NFKB2: variants seen among roughly 807,000 people sequenced by gnomAD.
NFKB2 encodes nuclear factor NF-kappa-B p100 subunit.
A neutral mutation model predicts 109.3 loss-of-function variants in NFKB2; 21 were observed. The observed-to-expected ratio is 0.19, with a 90% confidence interval of 0.14 to 0.28. NFKB2 has a LOEUF of 0.28. Ranked by LOEUF, NFKB2 falls within the 10% of genes least tolerant of loss-of-function variation. The pLI is 1.00. For missense variants in NFKB2, 806 were observed against 1,185.3 expected (o/e 0.68, Z 4.70); for synonymous variants, 478 against 489.9 (o/e 0.98, Z 0.32).
At position 102,396,839 on chromosome 10, in the gene NFKB2, GC is replaced by G. The variant is rs754824804; in HGVS notation, c.243+17del. On this transcript the variant is annotated intron_variant, in intron 5 of 22. Coordinates refer to ENST00000661543, the MANE Select transcript of NFKB2 (RefSeq NM_001322934.2). The surrounding 1 kb of genome is among the most constrained non-coding windows in gnomAD (Gnocchi z 5.9). ...CACTGTCAAGGTGAGCCAGGATGGT[GC>G]TGGAGGGTGGGCTAAGTGGACAGCA... is the stretch of plus-strand genomic sequence containing the variant. The G allele has an allele frequency of 6.2e-7, 1 of 1,606,706 alleles. No homozygotes were observed. Among genetic ancestry groups the G allele is most frequent in the South Asian group, 1.1e-5 (1 of 90,972 alleles).
chr10:102,397,438 G>T lies in NFKB2; in HGVS notation c.502+30G>T, dbSNP rs1334867888. 9 of 1,586,144 alleles carry T rather than the reference G, an allele frequency of 5.7e-6. No homozygotes were observed. The highest frequency in any genetic ancestry group is 1.1e-5 in the South Asian group (1 of 87,438). On this transcript the variant is annotated intron_variant, in intron 7 of 22. Transcript: ENST00000661543. This position sits in a 1 kb window ranked among gnomAD's most constrained non-coding sequence, Gnocchi z 4.7. ...GGGTGCAGGGGGTGGGTCGGGTATG[G>T]GTGCAGGGGGTGGGTGGGTCATGGG...
chr10:102,398,685 C>T lies in NFKB2; in HGVS notation c.992-54C>T. ...GCCCTGAGGGCTCTTCTGGGAAGGGCCCCTGAGGCATGACACAATAACTGG... is the reference window on the plus strand; with the variant it reads ...GCCCTGAGGGCTCTTCTGGGAAGGGTCCCTGAGGCATGACACAATAACTGG... On this transcript the variant is annotated intron_variant, in intron 11 of 22. Coordinates refer to ENST00000661543, the MANE Select transcript of NFKB2 (RefSeq NM_001322934.2). The surrounding 1 kb of genome is among the most constrained non-coding windows in gnomAD (Gnocchi z 6.6). The T allele has an allele frequency of 6.2e-7, 1 of 1,611,864 alleles. No homozygotes were observed. The highest frequency in any genetic ancestry group is 8.5e-7 in the Non-Finnish European group (1 of 1,179,958).
At position 102,396,894 on chromosome 10, in the gene NFKB2, C is replaced by T; in HGVS notation, c.244-10C>T. 6.2e-7 allele frequency: 1 copy of T among 1,600,280 alleles called. No individual in the cohort carries two copies. The highest frequency in any genetic ancestry group is 8.6e-7 in the Non-Finnish European group (1 of 1,168,344). ...CCAAGGCCCTGACTGACAGTCCCTG[C>T]CTCTCCTAGATCTGTAACTACGAGG... On this transcript the variant is annotated splice_polypyrimidine_tract_variant and intron_variant, in intron 5 of 22. Transcript: ENST00000661543. This position sits in a 1 kb window ranked among gnomAD's most constrained non-coding sequence, Gnocchi z 5.9.
At chr10:102,402,003 A>C (rs1212015404) in intron 21 of NFKB2, 45 bp from the exon 22 acceptor site, 1 of 1,576,564 alleles carries the variant, frequency 6.3e-7, no homozygotes, top group East Asian at 2.3e-5. Flanking sequence ...GCTCCCGAGC[A>C]CATGCCCTAA....
At chr10:102,402,017 T>A (rs1238623596) in intron 21 of NFKB2, 31 bp from the exon 22 acceptor site, 3 of 1,573,104 alleles carry the variant, frequency 1.9e-6, no homozygotes, top group Non-Finnish European at 2.6e-6. Context: ...GCCCTAACCA[T>A]GACTCAGACC....
rs1054477852 is a variant in NFKB2, at chr10:102,401,142, C to A, written c.2072-38C>A. 6.3e-7 allele frequency: 1 copy of A among 1,599,790 alleles called. No homozygotes were observed. The highest frequency in any genetic ancestry group is 8.5e-7 in the Non-Finnish European group (1 of 1,170,278). ...CGACTTTGCAGTCCTTAATGTAGGC[C>A]CCCACCATACCGCCCCATGACGGCC... On this transcript the variant is annotated intron_variant, in intron 18 of 22. Coordinates refer to ENST00000661543, the MANE Select transcript of NFKB2 (RefSeq NM_001322934.2). The surrounding 1 kb of genome is among the most constrained non-coding windows in gnomAD (Gnocchi z 4.2).
rs1383478659 is a variant in NFKB2, at chr10:102,395,873, T to A, written c.-72-15T>A. Reference sequence around the variant, plus strand: ...GATCTGACCCCCTCCCCCACGCCACTCCTCCCAACTTTAGGCGGGCGTCTA... The same window carrying A: ...GATCTGACCCCCTCCCCCACGCCACACCTCCCAACTTTAGGCGGGCGTCTA... On this transcript the variant is annotated splice_polypyrimidine_tract_variant and intron_variant, in intron 1 of 22. Coordinates refer to ENST00000661543, the MANE Select transcript of NFKB2 (RefSeq NM_001322934.2). The A allele has an allele frequency of 5.4e-6, 3 of 554,974 alleles. No homozygotes were observed. Among genetic ancestry groups the A allele is most frequent in the Non-Finnish European group, 7.2e-6 (3 of 417,306 alleles). The allele number at this position is 554,974 out of a possible 1,614,324, so 34.4% of individuals were successfully genotyped here. A position where few individuals can be genotyped will look rare whatever the true frequency, so the allele number is the denominator to read the frequency against.
At position 102,397,828 on chromosome 10, in the gene NFKB2, T is replaced by C. The variant is rs2061144179; in HGVS notation, c.661+143T>C. On this transcript the variant is annotated intron_variant, in intron 8 of 22. Transcript: ENST00000661543. This position sits in a 1 kb window ranked among gnomAD's most constrained non-coding sequence, Gnocchi z 4.7. ...GCTGAGTGATCCTGAGCAAGTCATT[T>C]CCCCCCCGAAGCTTCTGTCTTTAGT... 4 of 1,277,096 alleles carry C rather than the reference T, an allele frequency of 3.1e-6. No individual in the cohort carries two copies. The highest frequency in any genetic ancestry group is 1.5e-5 in the African/African-American group (1 of 67,028). The allele number at this position is 1,277,096 out of a possible 1,614,324, so 79.1% of individuals were successfully genotyped here.
In NFKB2 at chr10:102,397,155, T is replaced by C. The variant is rs149680703; in HGVS notation, c.395+100T>C. ...CTTAGCATCTGACCAAGGGGAAAGA[T>C]GTAGGTTGGCCCCAAACCCAAGGGC... On this transcript the variant is annotated intron_variant, in intron 6 of 22. Transcript: ENST00000661543. This position sits in a 1 kb window ranked among gnomAD's most constrained non-coding sequence, Gnocchi z 4.7. 1,051 of 1,559,172 alleles carry C rather than the reference T, an allele frequency of 6.7e-4. 2 individuals carry two copies. Among genetic ancestry groups the C allele is most frequent in the South Asian group, 2.2e-3 (189 of 84,696 alleles).
chr10:102,397,516 C>T lies in NFKB2; in HGVS notation c.503-11C>T. 1 of 1,612,010 alleles carries T rather than the reference C, an allele frequency of 6.2e-7. No individual in the cohort carries two copies. The highest frequency in any genetic ancestry group is 8.5e-7 in the Non-Finnish European group (1 of 1,178,714). On this transcript the variant is annotated splice_polypyrimidine_tract_variant and intron_variant, in intron 7 of 22. Transcript: ENST00000661543. The surrounding 1 kb of genome is among the most constrained non-coding windows in gnomAD (Gnocchi z 4.7). ...AGAAGCCCAGGGGTCACACATGTAC[C>T]TACTGCCCAGAGGCCGAGCAGCGGG...
Position 102,396,087 on chromosome 10 carries a change from C to G in NFKB2, c.21+107C>G. The G allele has an allele frequency of 6.6e-7, 1 of 1,513,626 alleles. No homozygotes were observed. Among genetic ancestry groups the G allele is most frequent in the Non-Finnish European group, 9.1e-7 (1 of 1,095,374 alleles). 93.8% of individuals were successfully genotyped at this position (1,513,626 alleles called of 1,614,324 possible). On this transcript the variant is annotated intron_variant, in intron 2 of 22. Transcript: ENST00000661543. This position sits in a 1 kb window ranked among gnomAD's most constrained non-coding sequence, Gnocchi z 5.9. ...TTACACCTGTATGCTCGCAGATGCT[C>G]TCAGCCTGCCAGTCTGTCCATCTGT...
At position 102,397,767 on chromosome 10, in the gene NFKB2, G is replaced by T. The variant is rs2061143198; in HGVS notation, c.661+82G>T. ...TGACCTCAAGCTGTGCAGTCAAACA[G>T]ACCCAGGTTTCAGAACCTGGCCCTG... On this transcript the variant is annotated intron_variant, in intron 8 of 22. Transcript: ENST00000661543. The surrounding 1 kb of genome is among the most constrained non-coding windows in gnomAD (Gnocchi z 4.7). The T allele has an allele frequency of 6.6e-7, 1 of 1,525,338 alleles. No individual in the cohort carries two copies. The highest frequency in any genetic ancestry group is 2.4e-4 in the Middle Eastern group (1 of 4,166). 94.5% of individuals were successfully genotyped at this position (1,525,338 alleles called of 1,614,324 possible). A position where few individuals can be genotyped will look rare whatever the true frequency, so the allele number is the denominator to read the frequency against.
chr10:102,402,284 C>G lies in NFKB2; in HGVS notation c.2611C>G (p.Gln871Glu). The part of the protein sequence containing the change: ...EVKEDSAYGS[Q>E]SVEQEAEKLG... ...GAAGGAAGACAGTGCGTACGGGAGC[C>G]AGTCAGTGGAGCAGGAGGCAGAGAA... The change falls in exon 23 of 23, where the codon CAG (glutamine) becomes GAG (glutamate). Residue 871 changes from glutamine (Q) to glutamate (E), a missense_variant. By Grantham distance (29) the Gln-to-Glu change is conservative. Coordinates refer to ENST00000661543, the MANE Select transcript of NFKB2 (RefSeq NM_001322934.2). 6.4e-7 allele frequency: 1 copy of G among 1,559,256 alleles called. No homozygotes were observed. Among genetic ancestry groups the G allele is most frequent in the South Asian group, 1.2e-5 (1 of 84,848 alleles).
upstream of NFKB2, among the ~76,000 whole-genome samples, chr10:102,394,971 G>GGGA (rs1182309205): frequency 3.3e-5 from 5 of 152,012 alleles, no homozygotes; most frequent in South Asian, 4.2e-4. Flanking sequence ...TGAGAAGCTC[G>GGGA]GGATTCACCT....
rs776713461 is a variant in NFKB2, at chr10:102,402,084, C to T, written c.2503C>T (p.Leu835=). The change falls in exon 22 of 23, where the codon CTG becomes TTG. Residue 835 remains leucine (L), a synonymous_variant. Transcript: ENST00000661543. ...GGDLAGLLEA[L]SDMGLEEGVR... is the part of the protein sequence containing the mutation. ...GGACCTGGCAGGTCTACTGGAGGCCCTGTCTGACATGGGCCTAGAGGAGGG... is the reference window on the plus strand; with the variant it reads ...GGACCTGGCAGGTCTACTGGAGGCCTTGTCTGACATGGGCCTAGAGGAGGG... 1 of 1,574,834 alleles carries T rather than the reference C, an allele frequency of 6.3e-7. No homozygotes were observed. Among genetic ancestry groups the T allele is most frequent in the East Asian group, 2.3e-5 (1 of 42,738 alleles).
rs1427824703 is a variant in NFKB2, at chr10:102,400,684, G to A, written c.1828G>A (p.Ala610Thr). The A allele has an allele frequency of 2.5e-6, 4 of 1,613,958 alleles. No individual in the cohort carries two copies. Among genetic ancestry groups the A allele is most frequent in the Non-Finnish European group, 3.4e-6 (4 of 1,179,990 alleles). The change falls in exon 17 of 23, where the codon GCC (alanine) becomes ACC (threonine). Residue 610 changes from alanine to threonine, a missense_variant. Ala to Thr is a moderately conservative substitution (Grantham distance 58). Transcript: ENST00000661543. This position sits in a 1 kb window ranked among gnomAD's most constrained non-coding sequence, Gnocchi z 6.3. Reference sequence around the variant, plus strand: ...GTATCCAGTACACCTGGCAGTCCGAGCCCGAAGCCCTGAGTGCCTGGATCT... The same window carrying A: ...GTATCCAGTACACCTGGCAGTCCGAACCCGAAGCCCTGAGTGCCTGGATCT... The part of the protein sequence containing the change: ...GLYPVHLAVR[A>T]RSPECLDLLV...
chr10:102,398,443 C>A lies in NFKB2; in HGVS notation c.911C>A (p.Thr304Lys). 6.2e-7 allele frequency: 1 copy of A among 1,614,176 alleles called. No homozygotes were observed. The highest frequency in any genetic ancestry group is 8.5e-7 in the Non-Finnish European group (1 of 1,180,032). Residue 304 changes from threonine (T) to lysine (K), a missense_variant, in exon 11 of 23, where the codon ACA (threonine) becomes AAA (lysine). Thr to Lys is a moderately conservative substitution (Grantham distance 78). Coordinates refer to ENST00000661543, the MANE Select transcript of NFKB2 (RefSeq NM_001322934.2). The surrounding 1 kb of genome is among the most constrained non-coding windows in gnomAD (Gnocchi z 6.6). The part of the protein sequence containing the change: ...YHKMKIERPV[T>K]VFLQLKRKRG... ...AAGATGAAGATTGAGCGGCCTGTAA[C>A]AGTGTTTCTGCAACTGAAACGCAAG...
intron 14 of NFKB2, 108 bp downstream of exon 14, chr10:102,399,826 C>T (rs2061195692): frequency 7.1e-7 from 1 of 1,404,174 alleles, no homozygotes; most frequent in East Asian, 2.5e-5. Flanking sequence ...CAAGTCCGGC[C>T]TCGGTGTTCA....
rs549633140 is a variant in NFKB2, at chr10:102,395,874, C to T, written c.-72-14C>T. ...ATCTGACCCCCTCCCCCACGCCACT[C>T]CTCCCAACTTTAGGCGGGCGTCTAA... On this transcript the variant is annotated splice_polypyrimidine_tract_variant and intron_variant, in intron 1 of 22. Transcript: ENST00000661543. 341 of 1,342,898 alleles carry T rather than the reference C, an allele frequency of 2.5e-4. 2 individuals carry two copies. In the South Asian group the frequency reaches 3.7e-3, roughly 15 times the overall value. The allele number at this position is 1,342,898 out of a possible 1,614,324, so 83.2% of individuals were successfully genotyped here. A position where few individuals can be genotyped will look rare whatever the true frequency, so the allele number is the denominator to read the frequency against.
Sources: gnomAD v4.1 joint callset for allele counts (sites outside exome capture counted in the v4.1 genomes callset) on GRCh38, gnomAD v4.1.1 for gene constraint, Gnocchi (gnomAD v3.1) non-coding constraint, MANE v1.5 for transcripts, NCBI Gene and HGNC (gene_info 2026-07-23, HGNC 2026-07-21) for gene names.